Variants in TMTC1 observed in about 807,000 individuals in gnomAD.
TMTC1 encodes transmembrane O-mannosyltransferase targeting cadherins 1, also known as protein O-mannosyl-transferase TMTC1.
In TMTC1, 73 loss-of-function variants were observed where a neutral mutation model predicts 104.8. The ratio of observed to expected loss-of-function variants is 0.70; its 90% CI spans 0.58 to 0.85. The LOEUF (loss-of-function observed/expected upper bound fraction) is 0.85. Among genes scored for constraint, TMTC1 ranks in the 40% least tolerant of loss-of-function variants. TMTC1 has a pLI of 0.00. For missense variants in TMTC1, 1,035 were observed against 1,096.1 expected (o/e 0.94, Z 0.79); for synonymous variants, 434 against 428.7 (o/e 1.01, Z -0.15).
chr12:29,731,681 C>A (rs1942550084), intron 5 of TMTC1, among the ~76,000 whole-genome samples: 1 of 152,108 alleles, frequency 6.6e-6, no homozygotes, highest in Admixed American at 6.6e-5. Context: ...CACTTTGGAT[C>A]CATTTAAATA....
At chr12:29,575,973 G>C (rs1463925131) in intron 8 of TMTC1, among the ~76,000 whole-genome samples, 1 of 152,100 alleles carries the variant, frequency 6.6e-6, no homozygotes, top group African/African-American at 2.4e-5. Flanking sequence ...TCATGGTTTT[G>C]ATCTGCGTTT....
intron 5 of TMTC1, among the ~76,000 whole-genome samples, chr12:29,662,640 T>C (rs1181116883): frequency 1.0e-5 from 1 of 96,320 alleles, no homozygotes; most frequent in Admixed American, 9.6e-5. Flanking sequence ...ACAGTCCAGC[T>C]TGGGTGACAG....
chr12:29,557,473 G>A (rs182963619), intron 9 of TMTC1, among the ~76,000 whole-genome samples: 25 of 152,230 alleles, frequency 1.6e-4, no homozygotes, highest in Middle Eastern at 3.4e-3. Flanking sequence ...ACAAAAAAAC[G>A]GAGTTTTGCT....
At chr12:29,706,468 G>C (rs1328762361) in intron 5 of TMTC1, among the ~76,000 whole-genome samples, 1 of 152,114 alleles carries the variant, frequency 6.6e-6, no homozygotes, top group Non-Finnish European at 1.5e-5. Context: ...AGTATATCCT[G>C]GCTCCTGAAT....
At chr12:29,661,577 TTTTTAGTATTTTTGTATTTTTA>T (rs1940031739) in intron 5 of TMTC1, among the ~76,000 whole-genome samples, 1 of 149,476 alleles carries the variant, frequency 6.7e-6, no homozygotes, top group South Asian at 2.3e-4. Flanking sequence ...ACTTTTTGTA[TTTTTAGTATTTTTGTATTTTTA>T]GTATTTTTGT....
Position 29,514,496 on chromosome 12 carries a change from C to A in TMTC1, c.2416G>T (p.Asp806Tyr). ...TGAGTTTATACCTCAAAAGCTTTGTCGAGAAGGTTCTGCTCTCTTAATTGG... is the reference window on the plus strand; with the variant it reads ...TGAGTTTATACCTCAAAAGCTTTGTAGAGAAGGTTCTGCTCTCTTAATTGG... ...GNQLREQNLL[D>Y]KAFESYRVAV... Residue 806 changes from aspartate to tyrosine, a missense_variant, in exon 16 of 18, where the codon GAC (aspartate) becomes TAC (tyrosine). Asp to Tyr is a radical substitution (Grantham distance 160, BLOSUM62 -3). Transcript: ENST00000539277. 6.2e-7 allele frequency: 1 copy of A among 1,612,358 alleles called. No individual in the cohort carries two copies. Among genetic ancestry groups the A allele is most frequent in the South Asian group, 1.1e-5 (1 of 90,800 alleles).
At chr12:29,706,973 A>G (rs1275636549) in intron 5 of TMTC1, among the ~76,000 whole-genome samples, 2 of 152,240 alleles carry the variant, frequency 1.3e-5, no homozygotes, top group African/African-American at 4.8e-5. Flanking sequence ...GTATTCTCCC[A>G]TAGGTGGAAA....
chr12:29,552,889 C>A (rs1437041349), intron 10 of TMTC1, among the ~76,000 whole-genome samples: 2 of 152,266 alleles, frequency 1.3e-5, no homozygotes, highest in South Asian at 2.1e-4. Flanking sequence ...TAAGTCAAAT[C>A]AAATTGAAAG....
intron 10 of TMTC1, among the ~76,000 whole-genome samples, chr12:29,538,206 G>A (rs1410857481): frequency 2.0e-5 from 3 of 152,076 alleles, no homozygotes; most frequent in South Asian, 2.1e-4. Context: ...CACTCATTTC[G>A]TGGACATTTA....
intron 5 of TMTC1, among the ~76,000 whole-genome samples, chr12:29,738,482 T>C (rs1942741088): frequency 6.6e-6 from 1 of 152,246 alleles, no homozygotes; most frequent in African/African-American, 2.4e-5. Flanking sequence ...CTGCACTTGC[T>C]ACATCACTTA....
intron 11 of TMTC1, among the ~76,000 whole-genome samples, chr12:29,525,218 T>C (rs1054152054): frequency 1.7e-5 from 2 of 117,486 alleles, no homozygotes; most frequent in Non-Finnish European, 3.3e-5. Context: ...AGTTTTGCTC[T>C]GTCACCCAGG....
chr12:29,764,455 C>T (rs1943419371), intron 2 of TMTC1, among the ~76,000 whole-genome samples: 1 of 152,158 alleles, frequency 6.6e-6, no homozygotes, highest in Non-Finnish European at 1.5e-5. Flanking sequence ...TTGCAGTAAG[C>T]TATGATCATG....
At chr12:29,600,010 T>TA (rs71985661) in intron 7 of TMTC1, among the ~76,000 whole-genome samples, 3,425 of 96,288 alleles carry the variant, frequency 0.036, 77 homozygotes, top group African/African-American at 0.068. Flanking sequence ...ATATATATAT[T>TA]TTTTTTTTTT....
At chr12:29,517,607 C>G (rs1480577112) in intron 13 of TMTC1, 36 bp from the exon 14 acceptor site, 15 of 1,612,714 alleles carry the variant, frequency 9.3e-6, no homozygotes, top group Non-Finnish European at 1.2e-5. Context: ...CATTTCTCTT[C>G]TAATAGGTAC....
chr12:29,656,416 G>A (rs961720934), intron 5 of TMTC1, among the ~76,000 whole-genome samples: 2 of 147,430 alleles, frequency 1.4e-5, no homozygotes, highest in Non-Finnish European at 3.0e-5. Context: ...CTGGAGTGGT[G>A]CAATCTCGGC....
rs188389460 is a variant in TMTC1 at position 29,767,025 on chromosome 12, C to A, written c.480+873G>T. Among the ~76,000 whole-genome samples the A allele has an allele frequency of 4.6e-5, 7 of 151,912 alleles. No homozygotes were observed. The East Asian group carries it at 1.2e-3, about 25-fold the overall frequency. On this transcript the variant is annotated intron_variant, in intron 2 of 17. Transcript: ENST00000539277. ...AGTACAATGGTGCAATCTTGGCTCA[C>A]TGCAACCTCCACCTCCTGGGTTCAA...
chr12:29,583,387 T>G lies in TMTC1; in HGVS notation c.1418+20A>C, dbSNP rs777684738. 1 of 1,601,890 alleles carries G rather than the reference T, an allele frequency of 6.2e-7. No individual in the cohort carries two copies. Among genetic ancestry groups the G allele is most frequent in the Non-Finnish European group, 8.5e-7 (1 of 1,173,638 alleles). The stretch of plus-strand genomic sequence containing the variant: ...AAGAAATAAACAGGAAGATATTTAT[T>G]TTTATCTGTCTAGTCATACCTGAAT... On this transcript the variant is annotated intron_variant, in intron 8 of 17. Transcript: ENST00000539277.
intron 1 of TMTC1, among the ~76,000 whole-genome samples, chr12:29,780,369 T>G (rs7312973): frequency 0.12 from 17,845 of 152,234 alleles, 1,216 homozygotes; most frequent in African/African-American, 0.2. Context: ...TCCAGAGACA[T>G]GCTGAGTGCA....
At chr12:29,574,731 G>T (rs1474863463) in intron 8 of TMTC1, among the ~76,000 whole-genome samples, 1 of 152,140 alleles carries the variant, frequency 6.6e-6, no homozygotes, top group Non-Finnish European at 1.5e-5. Context: ...ACCCCTACTG[G>T]ATTAGGGCCT....
Sources: gnomAD v4.1 joint callset for allele counts (sites outside exome capture counted in the v4.1 genomes callset) on GRCh38, gnomAD v4.1.1 for gene constraint, MANE v1.5 for transcripts, NCBI Gene and HGNC (gene_info 2026-07-23, HGNC 2026-07-21) for gene names.